Variants in HECW1 observed in about 807,000 individuals in gnomAD.
HECW1 encodes E3 ubiquitin-protein ligase HECW1.
In HECW1, 61 loss-of-function variants were observed where a neutral mutation model predicts 182.3. The ratio of observed to expected loss-of-function variants is 0.33; its 90% confidence interval spans 0.27 to 0.41. The LOEUF is 0.41. Among genes scored for constraint, HECW1 ranks in the 10% least tolerant of loss-of-function variants. HECW1 has a pLI of 1.00. For missense variants in HECW1, 1,739 were observed against 2,108.9 expected, an observed-to-expected ratio of 0.82 and a Z score of 3.44; for synonymous variants, 859 against 832.6, an observed-to-expected ratio of 1.03 and a Z score of -0.55.
chr7:43,137,857 G>T (rs1787731639), intron 2 of HECW1, among the ~76,000 whole-genome samples: 1 of 151,842 alleles, frequency 6.6e-6, no homozygotes, highest in South Asian at 2.1e-4. Context: ...GCCACTTTCT[G>T]CTTTCTTTAT....
chr7:43,118,350 G>C (rs979636660), intron 2 of HECW1: 1 of 152,598 alleles, frequency 6.6e-6, no homozygotes, highest in Admixed American at 6.5e-5. Context: ...TTGCTTTGGG[G>C]GTTCAAGTCA....
At chr7:43,314,463 AGAG>A (rs1208629336) in intron 4 of HECW1, among the ~76,000 whole-genome samples, 3 of 151,810 alleles carry the variant, frequency 2.0e-5, no homozygotes, top group Non-Finnish European at 4.4e-5. Flanking sequence ...AAACAGAAGA[AGAG>A]GAGGTGGTGA....
At chr7:43,556,884 G>A (rs1161881010) in intron 29 of HECW1, among the ~76,000 whole-genome samples, 1 of 151,854 alleles carries the variant, frequency 6.6e-6, no homozygotes, top group Admixed American at 6.6e-5. Context: ...CAGACATTGG[G>A]CTTATGAACA....
intron 4 of HECW1, among the ~76,000 whole-genome samples, chr7:43,313,146 C>A (rs538797588): frequency 6.6e-6 from 1 of 151,964 alleles, no homozygotes; most frequent in East Asian, 1.9e-4. Flanking sequence ...TTGGTTAGTG[C>A]GTTTATAATA....
intron 24 of HECW1, among the ~76,000 whole-genome samples, chr7:43,539,559 A>C (rs1053290074): frequency 2.0e-5 from 3 of 152,250 alleles, no homozygotes; most frequent in Non-Finnish European, 4.4e-5. Context: ...CACTAAGCTG[A>C]AAATAGTAAT....
At chr7:43,366,598 G>T (rs1816680407) in intron 6 of HECW1, among the ~76,000 whole-genome samples, 1 of 152,142 alleles carries the variant, frequency 6.6e-6, no homozygotes, top group Admixed American at 6.5e-5. Context: ...CAATTAATTT[G>T]GAAGACACCT....
rs528092816 is a variant in HECW1, at chr7:43,228,192, C to T, written c.-31-15683C>T. 1.6e-3 allele frequency among the ~76,000 whole-genome samples: 248 copies of T among 152,132 alleles called. 1 individual carries two copies. Among genetic ancestry groups the T allele is most frequent in the Non-Finnish European group, 3.1e-3 (211 of 67,990 alleles). On this transcript the variant is annotated intron_variant, in intron 2 of 29. Coordinates refer to ENST00000395891, the MANE Select transcript of HECW1 (RefSeq NM_015052.5). Reference sequence around the variant, plus strand: ...AAATATTTGCAACAAGTATGTTAGACAAAATCTTGTAGGCCAGGCACAGTG... The same window carrying T: ...AAATATTTGCAACAAGTATGTTAGATAAAATCTTGTAGGCCAGGCACAGTG...
rs541640689 is a variant in HECW1 at position 43,514,337 on chromosome 7, C to G, written c.4019+5216C>G. Reference sequence around the variant, plus strand: ...TTTTGAGATGGAATTTCGCTCTTGTCCCCCAGGCTGAGTGCAATCTTTGCT... The same window carrying G: ...TTTTGAGATGGAATTTCGCTCTTGTGCCCCAGGCTGAGTGCAATCTTTGCT... On this transcript the variant is annotated intron_variant, in intron 24 of 29. Coordinates refer to ENST00000395891, the MANE Select transcript of HECW1 (RefSeq NM_015052.5). Among the ~76,000 whole-genome samples, 13 of 143,588 alleles carry G rather than the reference C, an allele frequency of 9.1e-5. No individual in the cohort carries two copies. In the South Asian group the frequency reaches 2.9e-3, roughly 32 times the overall value. The allele number at this position is 143,588 out of a possible 152,430, so 94.2% of individuals were successfully genotyped here. A position where few individuals can be genotyped will look rare whatever the true frequency, so the allele number is the denominator to read the frequency against.
chr7:43,116,596 AC>A (rs1255444396), intron 2 of HECW1, among the ~76,000 whole-genome samples: 1 of 152,226 alleles, frequency 6.6e-6, no homozygotes. Flanking sequence ...AACAGGTGTG[AC>A]TTACAGACAT....
At chr7:43,446,064 G>A (rs111234573) in intron 11 of HECW1, among the ~76,000 whole-genome samples, 4,841 of 152,232 alleles carry the variant, frequency 0.032, 296 homozygotes, top group African/African-American at 0.11. Flanking sequence ...AATTCAACTA[G>A]CCCATGTACG....
chr7:43,201,903 A>T (rs940116496), intron 2 of HECW1, among the ~76,000 whole-genome samples: 48 of 152,246 alleles, frequency 3.2e-4, no homozygotes, highest in African/African-American at 1.1e-3. Context: ...ATAATGGTTC[A>T]TGTGAGAGAA....
intron 14 of HECW1, among the ~76,000 whole-genome samples, chr7:43,464,485 T>TG (rs1483649895): frequency 6.6e-6 from 1 of 152,124 alleles, no homozygotes; most frequent in East Asian, 1.9e-4. Flanking sequence ...GGCATGAGAC[T>TG]GGCTTCCACT....
At chr7:43,526,173 G>C (rs1336025704) in intron 24 of HECW1, among the ~76,000 whole-genome samples, 1 of 152,130 alleles carries the variant, frequency 6.6e-6, no homozygotes, top group Non-Finnish European at 1.5e-5. Flanking sequence ...TATCCTGATT[G>C]TATCAGTACA....
Position 43,374,799 on chromosome 7 carries a change from A to AAAAAAAAAAAAAAC in HECW1, c.555+13820_555+13821insAAAAAAAAAAAACA, listed in dbSNP as rs1303274874. Among the ~76,000 whole-genome samples, 92 of 54,064 alleles carry AAAAAAAAAAAAAAC rather than the reference A, an allele frequency of 1.7e-3. 14 individuals are homozygous for AAAAAAAAAAAAAAC. Among genetic ancestry groups the AAAAAAAAAAAAAAC allele is most frequent in the Middle Eastern group, 0.026 (2 of 78 alleles). 35.5% of individuals were successfully genotyped at this position (54,064 alleles called of 152,430 possible). ...AAAAAAAAAAAAAAAAAAAAAAAAA[A>AAAAAAAAAAAAAAC]ATAGAGAAATATAATAACCAGTGAA... On this transcript the variant is annotated intron_variant, in intron 6 of 29. Coordinates refer to ENST00000395891, the MANE Select transcript of HECW1 (RefSeq NM_015052.5).
intron 7 of HECW1, among the ~76,000 whole-genome samples, chr7:43,401,625 T>C (rs1355795620): frequency 7.2e-6 from 1 of 139,550 alleles, no homozygotes; most frequent in Non-Finnish European, 1.5e-5. Flanking sequence ...GGGCTGAAAA[T>C]GCATGATACG....
chr7:43,539,905 G>A (rs1280644606), intron 24 of HECW1, among the ~76,000 whole-genome samples: 2 of 152,164 alleles, frequency 1.3e-5, no homozygotes, highest in African/African-American at 4.8e-5. Flanking sequence ...GGGGTGGTCG[G>A]GAAAGGGCAC....
In HECW1 at chr7:43,344,515, C is replaced by CT. The variant is rs1231727764; in HGVS notation, c.461-16360dup. Among the ~76,000 whole-genome samples the CT allele has an allele frequency of 6.4e-3, 929 of 145,332 alleles. 21 individuals are homozygous for CT. Among genetic ancestry groups the CT allele is most frequent in the African/African-American group, 0.021 (853 of 39,918 alleles). Reference sequence around the variant, plus strand: ...CATTGGATGATGATGTTGTTTTTGTCTTTTTTTTTTTCTCTGATGTCTGAT... The same window carrying CT: ...CATTGGATGATGATGTTGTTTTTGTCTTTTTTTTTTTTCTCTGATGTCTGAT... On this transcript the variant is annotated intron_variant, in intron 5 of 29. Transcript: ENST00000395891.
chr7:43,286,991 G>A (rs912859065), intron 3 of HECW1, among the ~76,000 whole-genome samples: 3 of 152,080 alleles, frequency 2.0e-5, no homozygotes, highest in African/African-American at 7.2e-5. Flanking sequence ...GCTGTGTCCC[G>A]GGCATTGTTT....
chr7:43,550,535 C>G lies in HECW1; in HGVS notation c.4339C>G (p.Arg1447Gly). 6.2e-7 allele frequency: 1 copy of G among 1,612,462 alleles called. No individual in the cohort carries two copies. Among genetic ancestry groups the G allele is most frequent in the Non-Finnish European group, 8.5e-7 (1 of 1,179,310 alleles). The change falls in exon 27 of 30, where the codon CGG becomes GGG. Residue 1447 changes from arginine (R) to glycine (G), a missense_variant. By Grantham distance (125) the Arg-to-Gly change is moderately radical. Transcript: ENST00000395891. ...GTACATCGAGCGCATGGTGAAGTGG[C>G]GGGTGGAGCGCGGCGTGGTACAGCA... is the stretch of plus-strand genomic sequence containing the variant. The part of the protein sequence containing the change: ...KEYIERMVKW[R>G]VERGVVQQTE...
Sources: allele counts gnomAD v4.1 joint callset (sites outside exome capture counted in the v4.1 genomes callset), GRCh38; gene constraint gnomAD v4.1.1; transcripts MANE v1.5; gene names NCBI Gene and HGNC (gene_info 2026-07-23, HGNC 2026-07-21).